The following HDAC8 variants were observed in gnomAD, a reference collection of about 807,000 sequenced individuals.
HDAC8 encodes histone deacetylase 8, also known as histone deacetylase-like 1.
In HDAC8, 1 loss-of-function variant was observed where a neutral mutation model predicts 32.2. The ratio of observed to expected loss-of-function variants is 0.03; its 90% CI spans 0.01 to 0.15. HDAC8 has a LOEUF of 0.15. HDAC8 is among the 10% of genes least tolerant of loss of function. HDAC8 has a pLI of 1.00. For missense variants in HDAC8, 117 were observed against 300.0 expected (o/e 0.39, Z 4.51); for synonymous variants, 108 against 113.9 (o/e 0.95, Z 0.33).
intron 7 of HDAC8, among the ~76,000 whole-genome samples, chrX:72,471,646 A>G (rs2048179709): frequency 1.8e-5 from 2 of 112,159 alleles, no homozygotes; most frequent in African/African-American, 3.2e-5. Flanking sequence ...ATATTTGTGT[A>G]TCTTCTTTGA....
At chrX:72,361,376 G>A (rs2044544456) in intron 9 of HDAC8, among the ~76,000 whole-genome samples, 1 of 111,554 alleles carries the variant, frequency 9.0e-6, no homozygotes, top group African/African-American at 3.3e-5. Flanking sequence ...TCTTAATGGA[G>A]CACTAATTAT....
chrX:72,572,584 G>T, intron 1 of HDAC8, 67 bp downstream of exon 1: 1 of 768,928 alleles, frequency 1.3e-6, no homozygotes, highest in Non-Finnish European at 1.9e-6. Context: ...GCTTCCTAAC[G>T]CTCTTTCGTC....
chrX:72,539,384 A>G (rs113078699), intron 4 of HDAC8, among the ~76,000 whole-genome samples: 1,312 of 106,951 alleles, frequency 0.012, 17 homozygotes, highest in African/African-American at 0.041. Flanking sequence ...GGCATGCGCC[A>G]CCATGCCCAG....
intron 6 of HDAC8, among the ~76,000 whole-genome samples, chrX:72,489,442 T>C (rs951591145): frequency 9.0e-6 from 1 of 111,327 alleles, no homozygotes; most frequent in Non-Finnish European, 1.9e-5. Flanking sequence ...CTTGTTATTG[T>C]CACCTGAGGT....
intron 4 of HDAC8, chrX:72,567,476 A>G: frequency 3.0e-6 from 1 of 333,641 alleles, no homozygotes; most frequent in Non-Finnish European, 5.3e-6. Context: ...CATTGGTACC[A>G]TAACTAATGT....
intron 9 of HDAC8, among the ~76,000 whole-genome samples, chrX:72,430,493 C>T (rs1367370450): frequency 8.9e-6 from 1 of 112,374 alleles, no homozygotes; most frequent in African/African-American, 3.2e-5. Context: ...GCGTTAGAAA[C>T]TAAAAATTGG....
chrX:72,477,670 T>C (rs2048375913), intron 7 of HDAC8, among the ~76,000 whole-genome samples: 1 of 112,912 alleles, frequency 8.9e-6, no homozygotes, highest in Admixed American at 9.3e-5. Context: ...CATCATTAAC[T>C]TGACATTGCA....
chrX:72,362,473 G>T (rs2044583629), intron 9 of HDAC8, among the ~76,000 whole-genome samples: 1 of 111,849 alleles, frequency 8.9e-6, no homozygotes, highest in Non-Finnish European at 1.9e-5. Context: ...AATGCAGATG[G>T]ACTAACACAA....
intron 9 of HDAC8, among the ~76,000 whole-genome samples, chrX:72,360,714 A>G (rs1297178286): frequency 2.7e-5 from 3 of 112,050 alleles, no homozygotes; most frequent in African/African-American, 9.8e-5. Context: ...TATATCACCA[A>G]TTACTCCATC....
intron 4 of HDAC8, among the ~76,000 whole-genome samples, chrX:72,517,280 C>G (rs2049838239): frequency 9.0e-6 from 1 of 111,377 alleles, no homozygotes; most frequent in Non-Finnish European, 1.9e-5. Context: ...GGTTATTTGT[C>G]TTTTCATCAT....
chrX:72,442,408 A>G (rs1174513402), intron 9 of HDAC8, among the ~76,000 whole-genome samples: 5 of 111,780 alleles, frequency 4.5e-5, no homozygotes, highest in African/African-American at 1.6e-4. Flanking sequence ...AGAATTTTCA[A>G]CCCAGAATTT....
intron 4 of HDAC8, among the ~76,000 whole-genome samples, chrX:72,510,207 A>G (rs1447131449): frequency 8.9e-6 from 1 of 112,325 alleles, no homozygotes; most frequent in Non-Finnish European, 1.9e-5. Flanking sequence ...GTTTGGATTT[A>G]GAATTTACAT....
At chrX:72,432,316 T>A (rs1254504789) in intron 9 of HDAC8, among the ~76,000 whole-genome samples, 3 of 110,619 alleles carry the variant, frequency 2.7e-5, no homozygotes, top group Non-Finnish European at 5.7e-5. Context: ...GTACCTCTCC[T>A]GTTAAAAGCC....
intron 9 of HDAC8, among the ~76,000 whole-genome samples, chrX:72,358,816 C>T (rs1374049454): frequency 8.9e-6 from 1 of 111,786 alleles, no homozygotes; most frequent in East Asian, 2.8e-4. Context: ...TGTCCCACCT[C>T]AGATCATTAG....
At chrX:72,402,907 C>T (rs1394170696) in intron 9 of HDAC8, among the ~76,000 whole-genome samples, 2 of 111,589 alleles carry the variant, frequency 1.8e-5, no homozygotes, top group Non-Finnish European at 3.8e-5. Context: ...CTGTCTGTTT[C>T]ATCTCCAGTA....
At chrX:72,343,312 G>T (rs943690835) in intron 10 of HDAC8, among the ~76,000 whole-genome samples, 1 of 109,779 alleles carries the variant, frequency 9.1e-6, no homozygotes, top group Non-Finnish European at 1.9e-5. Context: ...TGGGACTACA[G>T]GTATATGTCA....
intron 7 of HDAC8, among the ~76,000 whole-genome samples, chrX:72,476,372 A>G (rs1288672662): frequency 9.0e-5 from 10 of 110,955 alleles, no homozygotes; most frequent in African/African-American, 3.3e-4. Flanking sequence ...GCTGAAAAAC[A>G]AAAAATGGAA....
chrX:72,364,959 G>A, intron 9 of HDAC8, among the ~76,000 whole-genome samples: 1 of 112,080 alleles, frequency 8.9e-6, no homozygotes, highest in South Asian at 3.8e-4. Context: ...CAAGAAGATA[G>A]AAAGAGGCAT....
At chrX:72,566,208 C>T (rs1228064056) in intron 4 of HDAC8, among the ~76,000 whole-genome samples, 2 of 110,809 alleles carry the variant, frequency 1.8e-5, no homozygotes, top group Non-Finnish European at 3.8e-5. Context: ...CCTGTAATGC[C>T]AGCACCTTGG....
Sources: gnomAD v4.1 joint callset for allele counts (sites outside exome capture counted in the v4.1 genomes callset) on GRCh38, gnomAD v4.1.1 for gene constraint, MANE v1.5 for transcripts, NCBI Gene and HGNC (gene_info 2026-07-23, HGNC 2026-07-21) for gene names.